Variants in SLC6A12 observed in about 807,000 individuals in gnomAD.
The protein encoded by SLC6A12 is sodium- and chloride-dependent betaine transporter.
In SLC6A12, 50 loss-of-function variants were observed where a neutral mutation model predicts 73.3. The observed-to-expected ratio is 0.68, with a 90% CI of 0.54 to 0.86. The LOEUF is 0.86. SLC6A12 is among the 40% of genes least tolerant of loss of function. The pLI, the probability that SLC6A12 is intolerant of heterozygous loss-of-function variation, is 0.00. For synonymous variants in SLC6A12, 304 were observed against 309.2 expected, an observed-to-expected ratio of 0.98 and a Z score of 0.18; for missense variants, 648 against 772.8, an observed-to-expected ratio of 0.84 and a Z score of 1.92.
In SLC6A12 at chr12:201,056, G is replaced by A. The variant is rs142223002; in HGVS notation, c.579-273C>T. Among the ~76,000 whole-genome samples, 653 of 152,274 alleles carry A rather than the reference G, an allele frequency of 4.3e-3. 3 individuals carry two copies. Among genetic ancestry groups the A allele is most frequent in the Middle Eastern group, 6.8e-3 (2 of 294 alleles). On this transcript the variant is annotated intron_variant, in intron 6 of 15. Transcript: ENST00000684302. ...AGAGATGAGGAATGTATAAATGAGC[G>A]TTTAGAGAGTAGATATTTATACATG...
intron 7 of SLC6A12, among the ~76,000 whole-genome samples, chr12:199,278 G>T (rs1039181736): frequency 1.3e-5 from 2 of 152,202 alleles, no homozygotes; most frequent in Non-Finnish European, 1.5e-5. Context: ...ACATATTTAT[G>T]AAAAAGAGTG....
downstream of SLC6A12, among the ~76,000 whole-genome samples, chr12:188,104 G>A (rs373330587): frequency 1.3e-5 from 2 of 152,232 alleles, no homozygotes; most frequent in East Asian, 3.8e-4. Context: ...TCCCAGTCCG[G>A]TTCCGTGCGC....
intron 3 of SLC6A12, chr12:204,899 C>G: frequency 1.8e-6 from 1 of 562,382 alleles, no homozygotes; most frequent in Non-Finnish European, 3.1e-6. Context: ...CTGATCTGAA[C>G]CCTACACAGA....
At chr12:196,496 A>AGGGGCT (rs971982852) in intron 11 of SLC6A12, among the ~76,000 whole-genome samples, 1 of 152,218 alleles carries the variant, frequency 6.6e-6, no homozygotes, top group Non-Finnish European at 1.5e-5. Context: ...CCCGAGGCTC[A>AGGGGCT]GGGGCTGGGG....
intron 3 of SLC6A12, among the ~76,000 whole-genome samples, chr12:206,432 C>A (rs1358845123): frequency 6.6e-6 from 1 of 152,256 alleles, no homozygotes; most frequent in Non-Finnish European, 1.5e-5. Flanking sequence ...AGGCTACGTA[C>A]TATTCCCTTG....
At position 197,514 on chromosome 12, in the gene SLC6A12, G is replaced by C; in HGVS notation, c.951-13C>G. 6.2e-7 allele frequency: 1 copy of C among 1,610,372 alleles called. No homozygotes were observed. Among genetic ancestry groups the C allele is most frequent in the South Asian group, 1.1e-5 (1 of 90,484 alleles). On this transcript the variant is annotated splice_polypyrimidine_tract_variant and intron_variant, in intron 9 of 15. Coordinates refer to ENST00000684302, the MANE Select transcript of SLC6A12 (RefSeq NM_001122848.3). ...GGCGATGCAGTCCCTGTGGGAGTGG[G>C]GCAAGGGCAGACAGGAACGGGGAGG...
chr12:185,462 C>G (rs1401228616), downstream of SLC6A12, among the ~76,000 whole-genome samples: 1 of 152,218 alleles, frequency 6.6e-6, no homozygotes, highest in Non-Finnish European at 1.5e-5. Flanking sequence ...GGCCTCGGGG[C>G]CAGGGCCTTT....
chr12:196,033 T>G, intron 12 of SLC6A12, 91 bp downstream of exon 12: 1 of 1,248,594 alleles, frequency 8.0e-7, no homozygotes, highest in Non-Finnish European at 1.1e-6. Flanking sequence ...CGTCAGCAGA[T>G]AAGAAAAGTG....
downstream of SLC6A12, among the ~76,000 whole-genome samples, chr12:186,995 T>C (rs1939442767): frequency 6.6e-6 from 1 of 152,150 alleles, no homozygotes; most frequent in African/African-American, 2.4e-5. Flanking sequence ...CCCAAAGTTC[T>C]CACTTTCTCC....
intron 11 of SLC6A12, among the ~76,000 whole-genome samples, 163 bp from the exon 12 acceptor site, chr12:196,424 T>C (rs759609349): frequency 2.3e-4 from 35 of 152,166 alleles, no homozygotes; most frequent in Non-Finnish European, 4.6e-4. Context: ...AACCCTGCCC[T>C]TAACTACAAC....
chr12:187,604 A>AGC (rs1565461317), downstream of SLC6A12, among the ~76,000 whole-genome samples: 10 of 16,886 alleles, frequency 5.9e-4, no homozygotes, highest in African/African-American at 1.2e-3. Flanking sequence ...AAAAAAAAAA[A>AGC]AAAAAAAAAA....
chr12:211,979 C>T (rs1940919729), intron 2 of SLC6A12, 47 bp downstream of exon 2: 1 of 152,162 alleles, frequency 6.6e-6, no homozygotes, highest in African/African-American at 2.4e-5. Flanking sequence ...GTGCCTGGCA[C>T]CTGCAGCGCC....
intron 14 of SLC6A12, chr12:192,952 G>A (rs1450524615): frequency 6.2e-6 from 3 of 485,300 alleles, no homozygotes; most frequent in Non-Finnish European, 7.4e-6. Context: ...GACGGAGACA[G>A]GGGGTGATAC....
downstream of SLC6A12, among the ~76,000 whole-genome samples, chr12:188,231 C>T (rs370831681): frequency 3.2e-4 from 48 of 152,340 alleles, no homozygotes; most frequent in East Asian, 8.1e-3. Context: ...GAGGCTCAGG[C>T]ATGGCGAGCT....
chr12:196,088 T>C (rs533572), intron 12 of SLC6A12, 36 bp downstream of exon 12: 853,514 of 1,545,030 alleles, frequency 0.55, 242,411 homozygotes, highest in African/African-American at 0.84. Context: ...CTCCCTCCCC[T>C]GGAGCCTGGC....
At chr12:194,747 T>C (rs533700792) in intron 13 of SLC6A12, among the ~76,000 whole-genome samples, 198 of 152,210 alleles carry the variant, frequency 1.3e-3, no homozygotes, top group Admixed American at 2.2e-3. Flanking sequence ...TTCACCTCAG[T>C]ACAGGAGAGA....
At chr12:197,076 T>G in intron 10 of SLC6A12, among the ~76,000 whole-genome samples, 194 bp from the exon 11 acceptor site, 1 of 7,140 alleles carries the variant, frequency 1.4e-4, no homozygotes, top group Non-Finnish European at 3.6e-4. Flanking sequence ...CATCTACCCA[T>G]CCATCCATCC....
chr12:197,166 C>CATCCATCTATCCATCCATCT (rs1565469120), intron 10 of SLC6A12, among the ~76,000 whole-genome samples: 2 of 29,740 alleles, frequency 6.7e-5, no homozygotes, highest in Admixed American at 4.0e-4. Context: ...TCCATCCATC[C>CATCCATCTATCCATCCATCT]ATCCATCCAT....
At position 192,854 on chromosome 12, in the gene SLC6A12, C is replaced by T. The variant is rs147122455; in HGVS notation, c.1531-206G>A. ...GAGGCGATACAAAGGAAGGGAGGGG[C>T]TCGGAAGAGCATCATTCACATCACA... On this transcript the variant is annotated intron_variant, in intron 14 of 15. Transcript: ENST00000684302. 5.0e-3 allele frequency among the ~76,000 whole-genome samples: 731 copies of T among 146,464 alleles called. 4 individuals carry two copies. Among genetic ancestry groups the T allele is most frequent in the African/African-American group, 0.018 (687 of 38,552 alleles).
Sources: allele counts gnomAD v4.1 joint callset (sites outside exome capture counted in the v4.1 genomes callset), GRCh38; gene constraint gnomAD v4.1.1; transcripts MANE v1.5; gene names NCBI Gene and HGNC (gene_info 2026-07-23, HGNC 2026-07-21).